The following B4GALNT2 variants were observed in gnomAD, a reference collection of about 807,000 sequenced individuals.
B4GALNT2 encodes beta-1,4-N-acetyl-galactosaminyltransferase 2 (SID blood group).
In B4GALNT2, 42 loss-of-function variants were observed where a neutral mutation model predicts 51.1. The ratio of observed to expected loss-of-function variants is 0.82; its 90% CI spans 0.64 to 1.06. The LOEUF (loss-of-function observed/expected upper bound fraction) is 1.06, where lower values mean the gene tolerates loss of function less well. Among genes scored for constraint, B4GALNT2 ranks in the 50% least tolerant of loss-of-function variants. B4GALNT2 has a pLI of 0.00. For missense variants in B4GALNT2, 602 were observed against 633.6 expected (o/e 0.95, Z 0.54); for synonymous variants, 253 against 251.7 (o/e 1.01, Z -0.05).
Position 49,164,207 on chromosome 17 carries a change from G to A in B4GALNT2, c.886G>A (p.Asp296Asn). 1 of 1,613,766 alleles carries A rather than the reference G, an allele frequency of 6.2e-7. No homozygotes were observed. ...CCCAGACTTGACCGTAATAGTGGCT[G>A]ATGACAGCCAGAAGCCCCTGGAAAT... ...YYPDLTVIVA[D>N]DSQKPLEIKD... Residue 296 changes from aspartate (D) to asparagine (N), a missense_variant, in exon 8 of 11, where the codon GAT becomes AAT. Coordinates refer to ENST00000393354, the MANE Select transcript of B4GALNT2 (RefSeq NM_001159387.2).
chr17:49,148,324 AAGT>A, intron 3 of B4GALNT2: 2 of 360,306 alleles, frequency 5.6e-6, no homozygotes, highest in Non-Finnish European at 1.1e-5. Flanking sequence ...AACAAAACAA[AAGT>A]CCTCTCCAAT....
At chr17:49,145,030 C>T (rs1429714812) in intron 3 of B4GALNT2, among the ~76,000 whole-genome samples, 1 of 152,094 alleles carries the variant, frequency 6.6e-6, no homozygotes, top group Admixed American at 6.6e-5. Context: ...TTAGATGGTG[C>T]CCACCCAATT....
At chr17:49,129,618 A>ATTTTT (rs35573556), upstream of B4GALNT2, among the ~76,000 whole-genome samples, 66,897 of 151,306 alleles carry the variant, frequency 0.44, 15,153 homozygotes, top group Middle Eastern at 0.52. Context: ...CTTCTGGCCG[A>ATTTTT]TTTTTTGGTC....
At chr17:49,136,628 C>T (rs2042593165) in intron 1 of B4GALNT2, among the ~76,000 whole-genome samples, 1 of 151,990 alleles carries the variant, frequency 6.6e-6, no homozygotes, top group Admixed American at 6.6e-5. Context: ...CCCACTGCAA[C>T]CTCCACCTCC....
At chr17:49,163,209 C>T (rs2042880423) in intron 7 of B4GALNT2, among the ~76,000 whole-genome samples, 1 of 152,202 alleles carries the variant, frequency 6.6e-6, no homozygotes, top group Non-Finnish European at 1.5e-5. Context: ...AAGCTGTCCC[C>T]TCTCCAGTCT....
At chr17:49,162,261 C>T (rs750335962) in intron 7 of B4GALNT2, among the ~76,000 whole-genome samples, 8 of 152,280 alleles carry the variant, frequency 5.3e-5, no homozygotes, top group Middle Eastern at 3.4e-3. Context: ...TTAAGAGCAT[C>T]TATGACTCAA....
In B4GALNT2 at chr17:49,141,449, T is replaced by A; in HGVS notation, c.215+2T>A. The A allele has an allele frequency of 6.2e-7, 1 of 1,613,728 alleles. No homozygotes were observed. The highest frequency in any genetic ancestry group is 8.5e-7 in the Non-Finnish European group (1 of 1,179,756). ...CCTCTTTTCCTACGATGGAATCTGG[T>A]GAGAGACTGCGTGTTCTTTCTTTCA... On this transcript the variant is annotated splice_donor_variant, in intron 2 of 10. Transcript: ENST00000393354. LOFTEE classifies it high-confidence loss of function.
chr17:49,133,254 G>A, intron 1 of B4GALNT2: 1 of 1,456,686 alleles, frequency 6.9e-7, no homozygotes, highest in Non-Finnish European at 9.0e-7. Context: ...ACTGCGGGCT[G>A]TGGACAGTCG....
At chr17:49,146,621 T>G (rs2144294261) in intron 3 of B4GALNT2, among the ~76,000 whole-genome samples, 1 of 152,310 alleles carries the variant, frequency 6.6e-6, no homozygotes, top group South Asian at 2.1e-4. Context: ...CAACACTGTC[T>G]TTTCTTAATT....
chr17:49,134,559 C>T (rs1313518141), intron 1 of B4GALNT2, among the ~76,000 whole-genome samples: 2 of 151,916 alleles, frequency 1.3e-5, no homozygotes, highest in Admixed American at 6.6e-5. Context: ...CGTGCGCACG[C>T]GCGCCACCAT....
In B4GALNT2 at chr17:49,171,500, G is replaced by C; in HGVS notation, c.*1772G>C. The C allele has an allele frequency of 2.6e-6, 1 of 389,318 alleles. No individual in the cohort carries two copies. Among genetic ancestry groups the C allele is most frequent in the South Asian group, 1.9e-5 (1 of 52,188 alleles). The allele number at this position is 389,318 out of a possible 1,614,324, so 24.1% of individuals were successfully genotyped here. A position where few individuals can be genotyped will look rare whatever the true frequency, so the allele number is the denominator to read the frequency against. Reference sequence around the variant, plus strand: ...GCTTTTTTATTCTTTCCCAAATTTTGATCTTATTAACAGACATTAATAGTT... The same window carrying C: ...GCTTTTTTATTCTTTCCCAAATTTTCATCTTATTAACAGACATTAATAGTT... On this transcript the variant is annotated 3_prime_UTR_variant, in exon 11 of 11. Coordinates refer to ENST00000393354, the MANE Select transcript of B4GALNT2 (RefSeq NM_001159387.2).
At chr17:49,135,949 G>GGTGC (rs1399777218) in intron 1 of B4GALNT2, among the ~76,000 whole-genome samples, 2 of 151,950 alleles carry the variant, frequency 1.3e-5, no homozygotes, top group African/African-American at 4.8e-5. Flanking sequence ...CAGGTGTGGA[G>GGTGC]GTGCGTGCCT....
intron 1 of B4GALNT2, chr17:49,133,218 G>A (rs1598192533): frequency 2.7e-6 from 4 of 1,488,682 alleles, no homozygotes; most frequent in Non-Finnish European, 2.7e-6. Flanking sequence ...CCGCCGTCAG[G>A]GGTATGTGAG....
rs527840701 is a variant in B4GALNT2 at position 49,133,213 on chromosome 17, G to C, written c.14+407G>C. The C allele has an allele frequency of 4.0e-5, 60 of 1,498,976 alleles. 1 individual carries two copies. The African/African-American group carries it at 7.1e-4, about 18-fold the overall frequency. The allele number at this position is 1,498,976 out of a possible 1,614,324, so 92.9% of individuals were successfully genotyped here. On this transcript the variant is annotated intron_variant, in intron 1 of 10. Coordinates refer to ENST00000393354, the MANE Select transcript of B4GALNT2 (RefSeq NM_001159387.2). ...TTTGCTGCCCACGGGAGGAGCCGCC[G>C]TCAGGGGTATGTGAGTGCCCGGGCG...
rs2042972759 is a variant in B4GALNT2 at position 49,173,913 on chromosome 17, T to C, written c.*4185T>C. The C allele has an allele frequency of 6.6e-6, 1 of 152,236 alleles. No homozygotes were observed. The highest frequency in any genetic ancestry group is 1.9e-4 in the East Asian group (1 of 5,206). 9.4% of individuals were successfully genotyped at this position (152,236 alleles called of 1,614,324 possible). On this transcript the variant is annotated 3_prime_UTR_variant, in exon 11 of 11. Transcript: ENST00000393354. ...TGAGCTGCAGCTCTGCATCAGCTTC[T>C]TTTGTTAATTGCCGAGGGCTATGAG...
chr17:49,126,706 C>T, the B4GALNT2 span, among the ~76,000 whole-genome samples: 1 of 136,652 alleles, frequency 7.3e-6, no homozygotes, highest in Non-Finnish European at 1.5e-5. Context: ...GGCTGGAGTA[C>T]GTTGGTTATA....
intron 9 of B4GALNT2, among the ~76,000 whole-genome samples, chr17:49,166,638 G>A (rs2042914143): frequency 6.6e-6 from 1 of 152,064 alleles, no homozygotes; most frequent in Admixed American, 6.5e-5. Flanking sequence ...AGCACACACG[G>A]CACTAATGAC....
intron 8 of B4GALNT2, among the ~76,000 whole-genome samples, chr17:49,165,377 A>C (rs1247029598): frequency 1.1e-3 from 75 of 69,234 alleles, no homozygotes; most frequent in Admixed American, 2.2e-3. Context: ...CTTCCTCTCC[A>C]CTCTCTCTTT....
chr17:49,163,107 T>C (rs2144333415), intron 7 of B4GALNT2, among the ~76,000 whole-genome samples: 1 of 152,146 alleles, frequency 6.6e-6, no homozygotes, highest in South Asian at 2.1e-4. Flanking sequence ...ACATGGCAAC[T>C]GCACAGTCAG....
Sources: allele counts gnomAD v4.1 joint callset (sites outside exome capture counted in the v4.1 genomes callset), GRCh38; gene constraint gnomAD v4.1.1; transcripts MANE v1.5; gene names NCBI Gene and HGNC (gene_info 2026-07-23, HGNC 2026-07-21).